PREX1: variants seen among roughly 807,000 people sequenced by gnomAD.
PREX1 encodes phosphatidylinositol-3,4,5-trisphosphate dependent Rac exchange factor 1.
Under a neutral mutation model 198.3 loss-of-function variants are expected in PREX1, and 41 were observed. That is an observed-to-expected ratio of 0.21 (90% CI 0.16 to 0.27). The LOEUF (loss-of-function observed/expected upper bound fraction) is 0.27. Among genes scored for constraint, PREX1 ranks in the 10% least tolerant of loss-of-function variants. The probability of loss-of-function intolerance (pLI) is 1.00; values close to 1 mark genes in which losing one functional copy is unlikely to be tolerated. For missense variants in PREX1, 1,620 were observed against 2,200.7 expected, an observed-to-expected ratio of 0.74 and a Z score of 5.28; for synonymous variants, 843 against 887.2, an observed-to-expected ratio of 0.95 and a Z score of 0.89.
intron 1 of PREX1, among the ~76,000 whole-genome samples, chr20:48,804,890 G>A (rs1320047679): frequency 6.6e-6 from 1 of 152,218 alleles, no homozygotes; most frequent in Non-Finnish European, 1.5e-5. Flanking sequence ...GGCCGCAAGA[G>A]GAGTGGCGGG....
the PREX1 span, among the ~76,000 whole-genome samples, chr20:48,871,581 A>C: frequency 6.6e-5 from 1 of 15,242 alleles, no homozygotes; most frequent in Non-Finnish European, 1.4e-4. Context: ...AAAAAAAAAA[A>C]AAACCATATT....
intron 3 of PREX1, among the ~76,000 whole-genome samples, chr20:48,744,790 C>G (rs1368092281): frequency 6.6e-6 from 1 of 152,212 alleles, no homozygotes; most frequent in Admixed American, 6.5e-5. Flanking sequence ...TGAGGGCCCA[C>G]CCTCTATGTG....
At chr20:48,662,062 C>T (rs994563728) in intron 15 of PREX1, among the ~76,000 whole-genome samples, 6 of 152,132 alleles carry the variant, frequency 3.9e-5, no homozygotes, top group Non-Finnish European at 5.9e-5. Flanking sequence ...GGAAAGCAGC[C>T]GGGGGCATTT....
intron 24 of PREX1, 121 bp from the exon 25 acceptor site, chr20:48,649,697 A>G: frequency 8.4e-7 from 1 of 1,196,894 alleles, no homozygotes; most frequent in Non-Finnish European, 1.2e-6. Flanking sequence ...TCCCTTCTAA[A>G]TACTCTTAAT....
intron 1 of PREX1, among the ~76,000 whole-genome samples, chr20:48,805,533 T>C (rs2090408054): frequency 6.6e-6 from 1 of 152,176 alleles, no homozygotes; most frequent in Admixed American, 6.5e-5. Context: ...CCCGAAGTGT[T>C]GTGGTGACTG....
chr20:48,659,668 G>A (rs777668472), intron 16 of PREX1, among the ~76,000 whole-genome samples: 9 of 152,176 alleles, frequency 5.9e-5, no homozygotes, highest in Admixed American at 3.3e-4. Context: ...TACAGTGTAC[G>A]GGGAGGGGAC....
chr20:48,739,792 C>G (rs1289322805), intron 3 of PREX1, among the ~76,000 whole-genome samples: 1 of 152,214 alleles, frequency 6.6e-6, no homozygotes, highest in African/African-American at 2.4e-5. Context: ...CAAATCCTGG[C>G]TCTGATGCTT....
At chr20:48,750,761 T>A (rs1394079336) in intron 1 of PREX1, among the ~76,000 whole-genome samples, 1 of 152,118 alleles carries the variant, frequency 6.6e-6, no homozygotes, top group East Asian at 1.9e-4. Context: ...GGTTAAGCAA[T>A]CTATACAAGC....
At chr20:48,723,107 G>A (rs1056727043) in intron 5 of PREX1, among the ~76,000 whole-genome samples, 6 of 152,218 alleles carry the variant, frequency 3.9e-5, no homozygotes, top group South Asian at 4.1e-4. Flanking sequence ...CTTAGGCAAC[G>A]TTCAAGTTCA....
chr20:48,748,173 C>G (rs759319260), intron 1 of PREX1, among the ~76,000 whole-genome samples: 2 of 152,188 alleles, frequency 1.3e-5, no homozygotes, highest in Non-Finnish European at 2.9e-5. Flanking sequence ...CTTCGAGGAA[C>G]CTTTGGCCCA....
chr20:48,717,519 G>T (rs958496595), intron 5 of PREX1, among the ~76,000 whole-genome samples: 1 of 148,316 alleles, frequency 6.7e-6, no homozygotes, highest in African/African-American at 2.5e-5. Context: ...AAAAGGAAAA[G>T]AAAACAAGAA....
At chr20:48,651,637 C>G in intron 21 of PREX1, 54 bp from the exon 22 acceptor site, 1 of 1,545,842 alleles carries the variant, frequency 6.5e-7, no homozygotes, top group Non-Finnish European at 8.8e-7. Context: ...GGGAGGAAGG[C>G]GAGGCGAGGA....
chr20:48,691,554 G>A lies in PREX1; in HGVS notation c.1037-458C>T, dbSNP rs538946898. ...ACAGATTGGCATGATCTAGGGAAGCGAAAGCCTGAATCTGAGGAGGGCTCC... is the reference window on the plus strand; with the variant it reads ...ACAGATTGGCATGATCTAGGGAAGCAAAAGCCTGAATCTGAGGAGGGCTCC... On this transcript the variant is annotated intron_variant, in intron 8 of 39. Coordinates refer to ENST00000371941, the MANE Select transcript of PREX1 (RefSeq NM_020820.4). This position sits in a 1 kb window ranked among gnomAD's most constrained non-coding sequence, Gnocchi z 5.0. Among the ~76,000 whole-genome samples, 10 of 152,314 alleles carry A rather than the reference G, an allele frequency of 6.6e-5. No individual in the cohort carries two copies. The East Asian group carries it at 1.5e-3, about 24-fold the overall frequency.
At chr20:48,801,497 C>A (rs1696943306) in intron 1 of PREX1, among the ~76,000 whole-genome samples, 1 of 152,202 alleles carries the variant, frequency 6.6e-6, no homozygotes, top group South Asian at 2.1e-4. Context: ...CTGGTCAGAG[C>A]ACCATCCTCC....
At chr20:48,681,926 T>C (rs1274231891) in intron 10 of PREX1, among the ~76,000 whole-genome samples, 1 of 151,684 alleles carries the variant, frequency 6.6e-6, no homozygotes, top group Admixed American at 6.6e-5. Flanking sequence ...GAAGAAATAA[T>C]AGGGGGCCAG....
rs891432593 is a variant in PREX1 at position 48,827,445 on chromosome 20, G to A, written c.219+197C>T. On this transcript the variant is annotated intron_variant, in intron 1 of 39. Transcript: ENST00000371941. This position sits in a 1 kb window ranked among gnomAD's most constrained non-coding sequence, Gnocchi z 4.1. The stretch of plus-strand genomic sequence containing the variant: ...GTGCGGGAGAGCCCCGGTCGGAGCA[G>A]GACCGTGCGCCGGCCAGGGAGGGAG... 1.6e-4 allele frequency among the ~76,000 whole-genome samples: 25 copies of A among 152,188 alleles called. No individual in the cohort carries two copies. The highest frequency in any genetic ancestry group is 5.8e-4 in the African/African-American group (24 of 41,462).
At chr20:48,675,612 G>A (rs758912118) in intron 14 of PREX1, among the ~76,000 whole-genome samples, 14 of 152,210 alleles carry the variant, frequency 9.2e-5, no homozygotes, top group Admixed American at 5.2e-4. Context: ...CATCGGGACT[G>A]GAGGAGGGGG....
chr20:48,701,038 T>A, intron 6 of PREX1, 152 bp from the exon 7 acceptor site: 1 of 1,078,144 alleles, frequency 9.3e-7, no homozygotes, highest in Non-Finnish European at 1.4e-6. Flanking sequence ...ACGTGATTAG[T>A]GGCTTCTATC....
intron 18 of PREX1, 125 bp from the exon 19 acceptor site, chr20:48,655,500 T>C (rs1350294149): frequency 6.7e-6 from 5 of 751,758 alleles, no homozygotes; most frequent in South Asian, 2.2e-5. Flanking sequence ...CCCAAAATAG[T>C]AGTAGCACCA....
Sources: allele counts gnomAD v4.1 joint callset (sites outside exome capture counted in the v4.1 genomes callset), GRCh38; gene constraint gnomAD v4.1.1; non-coding constraint Gnocchi (gnomAD v3.1); transcripts MANE v1.5; gene names NCBI Gene and HGNC (gene_info 2026-07-23, HGNC 2026-07-21).